Variants in FHOD3 observed in about 807,000 individuals in gnomAD.
FHOD3 encodes the protein FH1/FH2 domain-containing protein 3.
A neutral mutation model predicts 173.0 loss-of-function variants in FHOD3; 90 were observed. The ratio of observed to expected loss-of-function variants is 0.52; its 90% CI spans 0.44 to 0.62. FHOD3 has a LOEUF of 0.62. Ranked by LOEUF, FHOD3 falls within the 20% of genes least tolerant of loss-of-function variation. The pLI is 0.00. For missense variants in FHOD3, 1,945 were observed against 2,034.7 expected (o/e 0.96, Z 0.85); for synonymous variants, 828 against 823.0 (o/e 1.01, Z -0.10).
At chr18:36,355,269 C>T (rs1336439793) in intron 1 of FHOD3, among the ~76,000 whole-genome samples, 1 of 152,192 alleles carries the variant, frequency 6.6e-6, no homozygotes, top group East Asian at 1.9e-4. Flanking sequence ...GAAAAAAGCG[C>T]TGGCCCAGTG....
At chr18:36,576,828 C>A (rs909577017) in intron 6 of FHOD3, among the ~76,000 whole-genome samples, 6 of 152,142 alleles carry the variant, frequency 3.9e-5, no homozygotes, top group African/African-American at 1.4e-4. Flanking sequence ...TAGGGCCGGG[C>A]GTGGTGGCTC....
At chr18:36,654,214 G>A (rs2036257621) in intron 13 of FHOD3, among the ~76,000 whole-genome samples, 1 of 152,142 alleles carries the variant, frequency 6.6e-6, no homozygotes, top group Admixed American at 6.5e-5. Flanking sequence ...TTAAATGAAG[G>A]CTTATAGGAC....
intron 3 of FHOD3, among the ~76,000 whole-genome samples, chr18:36,479,294 T>C (rs1159916276): frequency 6.6e-6 from 1 of 152,228 alleles, no homozygotes; most frequent in Non-Finnish European, 1.5e-5. Flanking sequence ...TACATTGCCT[T>C]TTTGTTTGTT....
chr18:36,552,744 C>T lies in FHOD3; in HGVS notation c.512-23707C>T, dbSNP rs549153787. On this transcript the variant is annotated intron_variant, in intron 5 of 28. Transcript: ENST00000590592. ...TGATCTCCTAACCTCATGATCCACC[C>T]GCCTCGGCCTCCCAAAGTGCTGGGA... 2.1e-3 allele frequency among the ~76,000 whole-genome samples: 324 copies of T among 152,154 alleles called. 1 individual carries two copies. Among genetic ancestry groups the T allele is most frequent in the African/African-American group, 7.1e-3 (296 of 41,522 alleles).
At chr18:36,361,514 G>A (rs2046613799) in intron 2 of FHOD3, among the ~76,000 whole-genome samples, 2 of 151,916 alleles carry the variant, frequency 1.3e-5, no homozygotes, top group African/African-American at 4.8e-5. Context: ...GGGAAACGCT[G>A]TCTCTACTAA....
At chr18:36,587,879 C>G (rs985052799) in intron 6 of FHOD3, among the ~76,000 whole-genome samples, 1 of 152,156 alleles carries the variant, frequency 6.6e-6, no homozygotes, top group Non-Finnish European at 1.5e-5. Context: ...ATTTCCTGTT[C>G]GCTAGCAAAA....
intron 3 of FHOD3, among the ~76,000 whole-genome samples, chr18:36,451,087 A>G (rs546094708): frequency 6.6e-6 from 1 of 152,308 alleles, no homozygotes; most frequent in South Asian, 2.1e-4. Flanking sequence ...TAATATTTGC[A>G]TTGTTAATTT....
Position 36,512,586 on chromosome 18 carries a change from G to A in FHOD3, c.511+43G>A, listed in dbSNP as rs752786716. The A allele has an allele frequency of 4.3e-6, 6 of 1,392,448 alleles. No homozygotes were observed. The South Asian group carries it at 7.0e-5, about 16-fold the overall frequency. 86.3% of individuals were successfully genotyped at this position (1,392,448 alleles called of 1,614,324 possible). A position where few individuals can be genotyped will look rare whatever the true frequency, so the allele number is the denominator to read the frequency against. On this transcript the variant is annotated intron_variant, in intron 5 of 28. Transcript: ENST00000590592. ...ATGCAGCAGCTGCCCCAGCTGCAGG[G>A]GGGATCTGGGTTCACCTTCAGGAAC...
intron 3 of FHOD3, among the ~76,000 whole-genome samples, chr18:36,448,475 C>T (rs898696998): frequency 6.6e-6 from 1 of 152,200 alleles, no homozygotes; most frequent in East Asian, 1.9e-4. Context: ...TCTCTGTGGA[C>T]CTGCCTCCAT....
At chr18:36,626,484 A>T (rs553209485) in intron 10 of FHOD3, among the ~76,000 whole-genome samples, 300 of 152,352 alleles carry the variant, frequency 2.0e-3, no homozygotes, top group Non-Finnish European at 3.3e-3. Context: ...TCTATAGTAT[A>T]GAGGTACAAC....
intron 3 of FHOD3, among the ~76,000 whole-genome samples, chr18:36,380,148 G>A (rs1234947091): frequency 1.3e-5 from 2 of 152,152 alleles, no homozygotes; most frequent in Non-Finnish European, 2.9e-5. Context: ...GGAAAGAAAG[G>A]CATTGGAGAA....
chr18:36,756,200 A>C (rs1393014546), intron 25 of FHOD3, among the ~76,000 whole-genome samples: 2 of 152,280 alleles, frequency 1.3e-5, no homozygotes, highest in African/African-American at 4.8e-5. Flanking sequence ...AAAAGGCTGA[A>C]ATTTTCTGGG....
chr18:36,697,402 T>C (rs16968176), intron 17 of FHOD3, among the ~76,000 whole-genome samples: 2,902 of 152,314 alleles, frequency 0.019, 91 homozygotes, highest in African/African-American at 0.066. Flanking sequence ...AATTTAGAAG[T>C]GGCTTTCACC....
chr18:36,647,196 G>A (rs975024623), intron 10 of FHOD3, among the ~76,000 whole-genome samples: 11 of 152,178 alleles, frequency 7.2e-5, no homozygotes, highest in African/African-American at 2.2e-4. Flanking sequence ...AGCCAAGATC[G>A]TGCCACTGCA....
chr18:36,742,831 T>C lies in FHOD3; in HGVS notation c.3854T>C (p.Ile1285Thr). ...TTTATCCTGTCTACTCTCTTAGCCA[T>C]TGGGAACTTTCTAAATGGAACTAAT... ...LGFILSTLLAIGNFLNGTNAK... is the reference protein window; with the variant it reads ...LGFILSTLLATGNFLNGTNAK... Residue 1285 changes from isoleucine to threonine, a missense_variant, in exon 22 of 29, where the codon ATT becomes ACT. Physicochemically the swap from Ile to Thr is moderately conservative, Grantham distance 89. Around this residue, in one of 5 missense-constraint regions of FHOD3, gnomAD observed 231 missense variants for 321.9 expected, o/e 0.72. Transcript: ENST00000590592. 1 of 1,613,754 alleles carries C rather than the reference T, an allele frequency of 6.2e-7. No individual in the cohort carries two copies. The highest frequency in any genetic ancestry group is 8.5e-7 in the Non-Finnish European group (1 of 1,179,886).
chr18:36,713,322 T>C (rs2040273655), intron 18 of FHOD3, among the ~76,000 whole-genome samples: 1 of 152,236 alleles, frequency 6.6e-6, no homozygotes, highest in South Asian at 2.1e-4. Flanking sequence ...ACAACTATAC[T>C]TTCAGAGTAG....
At chr18:36,463,756 A>G (rs1456693969) in intron 3 of FHOD3, among the ~76,000 whole-genome samples, 1 of 152,170 alleles carries the variant, frequency 6.6e-6, no homozygotes, top group African/African-American at 2.4e-5. Flanking sequence ...TTAGCCTCCC[A>G]GTGCTGGGAT....
intron 3 of FHOD3, among the ~76,000 whole-genome samples, chr18:36,494,806 T>A (rs187300639): frequency 6.6e-6 from 1 of 152,324 alleles, no homozygotes; most frequent in Admixed American, 6.5e-5. Context: ...TCCAGTTTGA[T>A]CTCAGCCCCC....
chr18:36,760,496 CAAACA>C (rs1162662129), intron 26 of FHOD3, 107 bp from the exon 27 acceptor site: 3 of 1,021,222 alleles, frequency 2.9e-6, no homozygotes, highest in East Asian at 5.6e-5. Flanking sequence ...AATGTGTCTG[CAAACA>C]AAACAAGACA....
Sources: gnomAD v4.1 joint callset for allele counts (sites outside exome capture counted in the v4.1 genomes callset) on GRCh38, gnomAD v4.1.1 for gene constraint, gnomAD v4.1.1 regional missense constraint, MANE v1.5 for transcripts, NCBI Gene and HGNC (gene_info 2026-07-23, HGNC 2026-07-21) for gene names.